NME7: variants seen among roughly 807,000 people sequenced by gnomAD.
NME7 encodes NME/NM23 family member 7.
Under a neutral mutation model 49.1 loss-of-function variants are expected in NME7, and 41 were observed. The ratio of observed to expected loss-of-function variants is 0.83; its 90% CI spans 0.65 to 1.08. The LOEUF is 1.08. NME7 is among the 50% of genes least tolerant of loss of function. The pLI, the probability that NME7 is intolerant of heterozygous loss-of-function variation, is 0.00. For missense variants in NME7, 423 were observed against 463.4 expected, an observed-to-expected ratio of 0.91 and a Z score of 0.80; for synonymous variants, 139 against 150.6, an observed-to-expected ratio of 0.92 and a Z score of 0.56.
At chr1:169,351,732 A>T (rs1653180666) in intron 1 of NME7, among the ~76,000 whole-genome samples, 1 of 152,054 alleles carries the variant, frequency 6.6e-6, no homozygotes, top group Non-Finnish European at 1.5e-5. Context: ...TCAGAGATGA[A>T]AAAGGAAACA....
intron 11 of NME7, among the ~76,000 whole-genome samples, chr1:169,154,937 ATTTTTAAAATATG>A (rs1464084824): frequency 6.6e-6 from 1 of 151,980 alleles, no homozygotes; most frequent in African/African-American, 2.4e-5. Context: ...TTTTTTCTTT[ATTTTTAAAATATG>A]TTTTTAAAAT....
Position 169,222,267 on chromosome 1 carries a change from ATC to A in NME7, c.990+8449_990+8450del, listed in dbSNP as rs145714270. On this transcript the variant is annotated intron_variant, in intron 10 of 11. Coordinates refer to ENST00000367811, the MANE Select transcript of NME7 (RefSeq NM_013330.5). ...GCTTGGTGCCCTGTGAGGAGATTTT[ATC>A]TCTCTGTCTCTCTCACTTTCTCATT... 3.3e-3 allele frequency among the ~76,000 whole-genome samples: 504 copies of A among 152,148 alleles called. 4 individuals carry two copies. Among genetic ancestry groups the A allele is most frequent in the Middle Eastern group, 0.02 (6 of 294 alleles).
intron 11 of NME7, among the ~76,000 whole-genome samples, chr1:169,147,446 T>C (rs1020840729): frequency 1.3e-5 from 2 of 152,232 alleles, no homozygotes; most frequent in South Asian, 2.1e-4. Flanking sequence ...TGCTCTGTTA[T>C]GTTCTAGCTG....
chr1:169,169,120 G>A (rs1311429245), intron 11 of NME7: 1 of 452,578 alleles, frequency 2.2e-6, no homozygotes, highest in Non-Finnish European at 4.2e-6. Context: ...GCTACAATTT[G>A]GTCTTTCAAA....
At chr1:169,285,432 C>T (rs1038680590) in intron 7 of NME7, 1 of 152,102 alleles carries the variant, frequency 6.6e-6, no homozygotes, top group Admixed American at 6.6e-5. Flanking sequence ...ATTTTCAACA[C>T]CAGCCATTTC....
intron 3 of NME7, among the ~76,000 whole-genome samples, 169 bp downstream of exon 3, chr1:169,322,948 C>T (rs1651909310): frequency 6.6e-6 from 1 of 151,804 alleles, no homozygotes; most frequent in East Asian, 1.9e-4. Flanking sequence ...ACATGCACAA[C>T]TATGGTATTA....
At position 169,266,180 on chromosome 1, in the gene NME7, A is replaced by C. The variant is rs1649314704; in HGVS notation, c.754+21123T>G. Among the ~76,000 whole-genome samples, 2 of 133,076 alleles carry C rather than the reference A, an allele frequency of 1.5e-5. 1 individual carries two copies. Among genetic ancestry groups the C allele is most frequent in the Non-Finnish European group, 3.5e-5 (2 of 56,650 alleles). The allele number at this position is 133,076 out of a possible 152,430, so 87.3% of individuals were successfully genotyped here. On this transcript the variant is annotated intron_variant, in intron 7 of 11. Transcript: ENST00000367811. The stretch of plus-strand genomic sequence containing the variant: ...AACAAAAAAAGAAAACTTCAGGCCA[A>C]TGTCCTTGATGTACATCTATATAAA...
chr1:169,234,193 T>A lies in NME7; in HGVS notation c.888+938A>T, dbSNP rs534616272. Reference sequence around the variant, plus strand: ...AAATTTTTTAAACAAAAAAACAACCTTTCTGTTTCCTTTACAGCCTTTTGA... The same window carrying A: ...AAATTTTTTAAACAAAAAAACAACCATTCTGTTTCCTTTACAGCCTTTTGA... On this transcript the variant is annotated intron_variant, in intron 9 of 11. Transcript: ENST00000367811. Among the ~76,000 whole-genome samples the A allele has an allele frequency of 2.6e-5, 4 of 152,320 alleles. No homozygotes were observed. The South Asian group carries it at 8.3e-4, about 32-fold the overall frequency.
At chr1:169,358,529 A>G (rs889764340) in intron 1 of NME7, among the ~76,000 whole-genome samples, 1 of 152,066 alleles carries the variant, frequency 6.6e-6, no homozygotes, top group African/African-American at 2.4e-5. Context: ...ATAATAGTTA[A>G]AAAAAGGCCA....
chr1:169,286,255 G>T (rs1279892310), intron 7 of NME7: 1 of 151,950 alleles, frequency 6.6e-6, no homozygotes, highest in African/African-American at 2.4e-5. Context: ...CTATCTTCAG[G>T]TGATGGGAAT....
At chr1:169,266,502 G>C (rs907902751) in intron 7 of NME7, among the ~76,000 whole-genome samples, 4 of 134,044 alleles carry the variant, frequency 3.0e-5, no homozygotes, top group African/African-American at 1.0e-4. Flanking sequence ...CATGCTGAAT[G>C]AGCAAAAGCT....
At chr1:169,256,397 C>T (rs930016993) in intron 7 of NME7, among the ~76,000 whole-genome samples, 2 of 134,032 alleles carry the variant, frequency 1.5e-5, no homozygotes, top group Admixed American at 7.3e-5. Flanking sequence ...GTTCTCGAGC[C>T]TTGGTTTTCA....
At chr1:169,330,342 A>C (rs1652206054) in intron 1 of NME7, among the ~76,000 whole-genome samples, 1 of 152,156 alleles carries the variant, frequency 6.6e-6, no homozygotes, top group South Asian at 2.1e-4. Flanking sequence ...TGCAAATCAA[A>C]ACCACAATGT....
At position 169,256,031 on chromosome 1, in the gene NME7, C is replaced by A. The variant is rs1163947162; in HGVS notation, c.755-18344G>T. Reference sequence around the variant, plus strand: ...TCATTTCAACTTTGGTGAATCTGACCATTATGTGTCTTGGAGTTGCTCTTC... The same window carrying A: ...TCATTTCAACTTTGGTGAATCTGACAATTATGTGTCTTGGAGTTGCTCTTC... On this transcript the variant is annotated intron_variant, in intron 7 of 11. Coordinates refer to ENST00000367811, the MANE Select transcript of NME7 (RefSeq NM_013330.5). Among the ~76,000 whole-genome samples the A allele has an allele frequency of 7.5e-5, 10 of 132,522 alleles. 3 individuals carry two copies. Among genetic ancestry groups the A allele is most frequent in the South Asian group, 4.7e-4 (2 of 4,262 alleles). The allele number at this position is 132,522 out of a possible 152,430, so 86.9% of individuals were successfully genotyped here.
intron 1 of NME7, among the ~76,000 whole-genome samples, chr1:169,348,526 T>C (rs2101972013): frequency 6.6e-6 from 1 of 152,308 alleles, no homozygotes; most frequent in African/African-American, 2.4e-5. Flanking sequence ...TCTAGATGAA[T>C]AGCATTCGAA....
rs1352091450 is a variant in NME7, at chr1:169,274,037, C to T, written c.754+13266G>A. ...CTAGTTCTAGATCCCTGAGGAATCG[C>T]CACACTGACTTCCACAATGGTTGAA... On this transcript the variant is annotated intron_variant, in intron 7 of 11. Transcript: ENST00000367811. Among the ~76,000 whole-genome samples the T allele has an allele frequency of 2.3e-5, 3 of 131,192 alleles. 1 individual carries two copies. The highest frequency in any genetic ancestry group is 5.4e-5 in the Non-Finnish European group (3 of 55,956). 86.1% of individuals were successfully genotyped at this position (131,192 alleles called of 152,430 possible).
chr1:169,305,020 A>G lies in NME7; in HGVS notation c.390-1825T>C, dbSNP rs367721094. Among the ~76,000 whole-genome samples, 290 of 152,352 alleles carry G rather than the reference A, an allele frequency of 1.9e-3. 2 individuals carry two copies. Among genetic ancestry groups the G allele is most frequent in the African/African-American group, 6.8e-3 (284 of 41,588 alleles). On this transcript the variant is annotated intron_variant, in intron 4 of 11. Coordinates refer to ENST00000367811, the MANE Select transcript of NME7 (RefSeq NM_013330.5). ...ACTGAACTACAAGAAAGGAAAAAGC[A>G]ATCATAATCTTTAACGTCATTGAAA... is the stretch of plus-strand genomic sequence containing the variant.
chr1:169,220,806 ATAAAT>A (rs1474104441), intron 10 of NME7, among the ~76,000 whole-genome samples: 1 of 152,222 alleles, frequency 6.6e-6, no homozygotes, highest in Non-Finnish European at 1.5e-5. Context: ...TGCTTATAAA[ATAAAT>A]TAAGTTGATT....
rs533641430 is a variant in NME7, at chr1:169,241,991, G to A, written c.755-4304C>T. On this transcript the variant is annotated intron_variant, in intron 7 of 11. Coordinates refer to ENST00000367811, the MANE Select transcript of NME7 (RefSeq NM_013330.5). ...TTAATATGAGAAAGGGTCTTACTATGTTGACTAGCCTGGTCTTGAACTCCT... is the reference window on the plus strand; with the variant it reads ...TTAATATGAGAAAGGGTCTTACTATATTGACTAGCCTGGTCTTGAACTCCT... Among the ~76,000 whole-genome samples the A allele has an allele frequency of 4.5e-4, 69 of 151,954 alleles. 1 individual carries two copies. The Middle Eastern group carries it at 0.014, about 30-fold the overall frequency.
Sources: allele counts gnomAD v4.1 joint callset (sites outside exome capture counted in the v4.1 genomes callset), GRCh38; gene constraint gnomAD v4.1.1; transcripts MANE v1.5; gene names NCBI Gene and HGNC (gene_info 2026-07-23, HGNC 2026-07-21).